Variants in ZBTB8A observed in about 807,000 individuals in gnomAD.
ZBTB8A encodes the protein zinc finger and BTB domain-containing protein 8A.
A neutral mutation model predicts 37.8 loss-of-function variants in ZBTB8A; 19 were observed. The observed-to-expected ratio is 0.50, with a 90% CI of 0.35 to 0.74. The LOEUF is 0.74. ZBTB8A is among the 30% of genes least tolerant of loss of function. The pLI is 0.01. For missense variants in ZBTB8A, 394 were observed against 537.8 expected (o/e 0.73, Z 2.65); for synonymous variants, 181 against 185.2 (o/e 0.98, Z 0.19).
chr1:32,549,112 C>T (rs1020523179), intron 1 of ZBTB8A, among the ~76,000 whole-genome samples: 15 of 152,146 alleles, frequency 9.9e-5, no homozygotes, highest in African/African-American at 3.1e-4. Context: ...CGCTTGAACC[C>T]GGGAGGCAGA....
intron 2 of ZBTB8A, among the ~76,000 whole-genome samples, chr1:32,556,222 C>T (rs954991993): frequency 3.4e-4 from 52 of 151,930 alleles, no homozygotes; most frequent in African/African-American, 1.2e-3. Flanking sequence ...TACAGGCGTG[C>T]GCCACTGTGG....
chr1:32,578,151 A>G (rs1570350665), intron 2 of ZBTB8A, among the ~76,000 whole-genome samples: 1 of 148,848 alleles, frequency 6.7e-6, no homozygotes, highest in Non-Finnish European at 1.5e-5. Flanking sequence ...TGCAACCTCT[A>G]CCTCCCGGGT....
intron 2 of ZBTB8A, among the ~76,000 whole-genome samples, chr1:32,576,866 CTT>C (rs539331794): frequency 7.3e-6 from 1 of 136,306 alleles, no homozygotes. Context: ...TGCACAGACT[CTT>C]TTTTTTTTTT....
intron 4 of ZBTB8A, among the ~76,000 whole-genome samples, chr1:32,597,875 G>A (rs1194219729): frequency 3.3e-5 from 5 of 151,578 alleles, no homozygotes; most frequent in Admixed American, 6.6e-5. Flanking sequence ...TTGGCCTCCC[G>A]AGTAGCTGGG....
At chr1:32,544,674 G>A (rs1351283700) in intron 1 of ZBTB8A, among the ~76,000 whole-genome samples, 1 of 152,162 alleles carries the variant, frequency 6.6e-6, no homozygotes, top group East Asian at 1.9e-4. Context: ...TCCAGCCTGG[G>A]GGATAGAGCA....
intron 4 of ZBTB8A, among the ~76,000 whole-genome samples, chr1:32,599,718 AAAATAAAT>A (rs532896304): frequency 2.6e-5 from 4 of 151,806 alleles, no homozygotes; most frequent in East Asian, 1.9e-4. Flanking sequence ...CTCTGTCTCA[AAAATAAAT>A]AAATAAATAA....
intron 2 of ZBTB8A, among the ~76,000 whole-genome samples, chr1:32,583,422 G>A (rs1277834614): frequency 6.6e-6 from 1 of 150,860 alleles, no homozygotes; most frequent in African/African-American, 2.4e-5. Context: ...GACTGAATCT[G>A]GGGTGGGAGT....
At chr1:32,575,721 G>T (rs1036282237) in intron 2 of ZBTB8A, among the ~76,000 whole-genome samples, 1 of 151,636 alleles carries the variant, frequency 6.6e-6, no homozygotes, top group South Asian at 2.1e-4. Context: ...GCATGATGGT[G>T]GTCTCCTGTA....
In ZBTB8A at chr1:32,593,067, A is replaced by C. The variant is rs750027621; in HGVS notation, c.136A>C (p.Ser46Arg). 5 of 1,614,196 alleles carry C rather than the reference A, an allele frequency of 3.1e-6. No individual in the cohort carries two copies. Among genetic ancestry groups the C allele is most frequent in the Non-Finnish European group, 3.4e-6 (4 of 1,180,042 alleles). The change falls in exon 3 of 5, where the codon AGC becomes CGC. Residue 46 changes from serine (S) to arginine (R), a missense_variant. Coordinates refer to ENST00000373510, the MANE Select transcript of ZBTB8A (RefSeq NM_001040441.3). ...ACATCGAAATGTATTATTCGCTAGT[A>C]GCGGCTACTTTAAAATGCTTCTTTC... Reference protein sequence around the residue: ...KAHRNVLFASSGYFKMLLSQN... With the variant: ...KAHRNVLFASRGYFKMLLSQN...
chr1:32,542,516 G>A (rs1273525366), intron 1 of ZBTB8A, among the ~76,000 whole-genome samples: 1 of 152,204 alleles, frequency 6.6e-6, no homozygotes, highest in East Asian at 1.9e-4. Context: ...AGAGGTTGCA[G>A]TAAACCGAGA....
At chr1:32,570,389 T>C (rs1215084215) in intron 2 of ZBTB8A, among the ~76,000 whole-genome samples, 1 of 152,206 alleles carries the variant, frequency 6.6e-6, no homozygotes, top group Non-Finnish European at 1.5e-5. Flanking sequence ...TTGTTTTGGC[T>C]ATTTTAGGTC....
chr1:32,564,031 C>T (rs1349015120), intron 2 of ZBTB8A, among the ~76,000 whole-genome samples: 1 of 152,088 alleles, frequency 6.6e-6, no homozygotes, highest in Non-Finnish European at 1.5e-5. Context: ...AGTTTTGCAA[C>T]AGCTAATTTG....
intron 3 of ZBTB8A, among the ~76,000 whole-genome samples, chr1:32,594,578 T>C (rs1644515354): frequency 6.6e-6 from 1 of 152,112 alleles, no homozygotes; most frequent in Admixed American, 6.5e-5. Flanking sequence ...CTGACCAACA[T>C]GGTGAAACCA....
intron 3 of ZBTB8A, among the ~76,000 whole-genome samples, chr1:32,594,461 C>T (rs1396790699): frequency 6.6e-6 from 1 of 151,062 alleles, no homozygotes; most frequent in Non-Finnish European, 1.5e-5. Context: ...GAGTATTTAG[C>T]TTATTAAGAT....
rs1366871841 is a variant in ZBTB8A at position 32,605,879 on chromosome 1, G to A, written c.*5460G>A. 1 of 152,132 alleles carries A rather than the reference G, an allele frequency of 6.6e-6. No homozygotes were observed. Among genetic ancestry groups the A allele is most frequent in the Non-Finnish European group, 1.5e-5 (1 of 68,034 alleles). The allele number at this position is 152,132 out of a possible 1,614,324, so 9.4% of individuals were successfully genotyped here. The stretch of plus-strand genomic sequence containing the variant: ...GATTTTATATAAGTAACAGTGGATT[G>A]TTTTAAAGCTGACGTCATTGTATGT... On this transcript the variant is annotated 3_prime_UTR_variant, in exon 5 of 5. Coordinates refer to ENST00000373510, the MANE Select transcript of ZBTB8A (RefSeq NM_001040441.3).
In ZBTB8A at chr1:32,580,978, C is replaced by T. The variant is rs112255180; in HGVS notation, c.-1-11953C>T. On this transcript the variant is annotated intron_variant, in intron 2 of 4. Coordinates refer to ENST00000373510, the MANE Select transcript of ZBTB8A (RefSeq NM_001040441.3). ...AATCCATGCATGAATGAGGTGTCCA[C>T]ACGACCTAATAACTTCTTTAATCTA... Among the ~76,000 whole-genome samples, 442 of 149,692 alleles carry T rather than the reference C, an allele frequency of 3.0e-3. 2 individuals are homozygous for T. Among genetic ancestry groups the T allele is most frequent in the African/African-American group, 0.01 (420 of 40,676 alleles).
At chr1:32,567,825 AAAAAC>A (rs376645237) in intron 2 of ZBTB8A, among the ~76,000 whole-genome samples, 5 of 63,674 alleles carry the variant, frequency 7.9e-5, no homozygotes, top group Non-Finnish European at 1.1e-4. Context: ...AAAAAAAAAC[AAAAAC>A]AAAACAAAAC....
intron 1 of ZBTB8A, among the ~76,000 whole-genome samples, chr1:32,550,207 G>A (rs543688770): frequency 2.0e-5 from 3 of 152,034 alleles, no homozygotes; most frequent in Admixed American, 6.6e-5. Flanking sequence ...GATCCTGAGT[G>A]TCCATCCACA....
intron 2 of ZBTB8A, among the ~76,000 whole-genome samples, chr1:32,562,973 C>T (rs1055071768): frequency 6.6e-6 from 1 of 152,074 alleles, no homozygotes; most frequent in Non-Finnish European, 1.5e-5. Context: ...TAAGACATGT[C>T]CACAGAGTTA....
Sources: allele counts gnomAD v4.1 joint callset (sites outside exome capture counted in the v4.1 genomes callset), GRCh38; gene constraint gnomAD v4.1.1; transcripts MANE v1.5; gene names NCBI Gene and HGNC (gene_info 2026-07-23, HGNC 2026-07-21).